MYO5B: variants seen among roughly 807,000 people sequenced by gnomAD.
The protein encoded by MYO5B is unconventional myosin-Vb.
MYO5B carries 143 observed loss-of-function variants against 229.3 expected under a neutral mutation model. The observed-to-expected ratio is 0.62, with a 90% CI of 0.54 to 0.72. MYO5B has a LOEUF of 0.72. Among genes scored for constraint, MYO5B ranks in the 30% least tolerant of loss-of-function variants. MYO5B has a pLI of 0.00. For synonymous variants in MYO5B, 918 were observed against 885.2 expected (o/e 1.04, Z -0.66); for missense variants, 2,321 against 2,331.0 (o/e 1.00, Z 0.09).
intron 39 of MYO5B, 108 bp from the exon 40 acceptor site, chr18:49,826,731 C>A: frequency 7.6e-7 from 1 of 1,313,514 alleles, no homozygotes. Context: ...ATTTCTACGA[C>A]AATTAGGTAG....
At chr18:49,996,742 GA>G (rs1221683730) in intron 5 of MYO5B, among the ~76,000 whole-genome samples, 3 of 152,220 alleles carry the variant, frequency 2.0e-5, no homozygotes, top group Non-Finnish European at 4.4e-5. Flanking sequence ...AAAGCTCTAA[GA>G]AGTGGAAAAT....
intron 33 of MYO5B, 74 bp downstream of exon 33, chr18:49,847,072 T>C: frequency 6.4e-7 from 1 of 1,553,322 alleles, no homozygotes; most frequent in Non-Finnish European, 8.7e-7. Flanking sequence ...GTGTGGGGGT[T>C]GTGCTGGGGA....
intron 17 of MYO5B, among the ~76,000 whole-genome samples, chr18:49,926,975 T>C (rs1463045159): frequency 6.6e-6 from 1 of 152,146 alleles, no homozygotes; most frequent in Non-Finnish European, 1.5e-5. Flanking sequence ...TCACCAGATT[T>C]ACAGAAAGTA....
chr18:50,120,175 T>G (rs2032034539), intron 1 of MYO5B, among the ~76,000 whole-genome samples: 1 of 152,354 alleles, frequency 6.6e-6, no homozygotes, highest in South Asian at 2.1e-4. Flanking sequence ...TGCTTTCAAT[T>G]TTAATGCCTT....
Position 49,825,636 on chromosome 18 carries a change from T to C in MYO5B, c.*835A>G, listed in dbSNP as rs1221116181. 1 of 152,276 alleles carries C rather than the reference T, an allele frequency of 6.6e-6. No homozygotes were observed. Among genetic ancestry groups the C allele is most frequent in the Non-Finnish European group, 1.5e-5 (1 of 68,036 alleles). 9.4% of individuals were successfully genotyped at this position (152,276 alleles called of 1,614,324 possible). A position where few individuals can be genotyped will look rare whatever the true frequency, so the allele number is the denominator to read the frequency against. On this transcript the variant is annotated 3_prime_UTR_variant, in exon 40 of 40. Coordinates refer to ENST00000285039, the MANE Select transcript of MYO5B (RefSeq NM_001080467.3). ...TACATCTATAAATAAAACAAGTTTG[T>C]TATCCGTTTCTAATATTTAGCTTAT... is the stretch of plus-strand genomic sequence containing the variant.
intron 1 of MYO5B, among the ~76,000 whole-genome samples, chr18:50,177,234 A>G (rs1176022574): frequency 6.6e-6 from 1 of 152,170 alleles, no homozygotes; most frequent in Non-Finnish European, 1.5e-5. Flanking sequence ...AAAAAGGTAC[A>G]GCTCCATGCA....
chr18:49,894,344 G>A (rs1325083100), intron 22 of MYO5B, among the ~76,000 whole-genome samples: 1 of 152,184 alleles, frequency 6.6e-6, no homozygotes, highest in African/African-American at 2.4e-5. Flanking sequence ...GGGTCTCCAG[G>A]GGCCCTTGGG....
intron 17 of MYO5B, among the ~76,000 whole-genome samples, chr18:49,923,546 GACACACACTGTC>G (rs1430452708): frequency 6.6e-6 from 1 of 152,182 alleles, no homozygotes; most frequent in Non-Finnish European, 1.5e-5. Context: ...AAGTGTGGGC[GACACACACTGTC>G]ACTCTGATTT....
intron 1 of MYO5B, among the ~76,000 whole-genome samples, chr18:50,129,580 C>T (rs935142828): frequency 6.6e-6 from 1 of 152,180 alleles, no homozygotes; most frequent in African/African-American, 2.4e-5. Context: ...TTCCTAGAGC[C>T]TTTCTGTAGT....
intron 9 of MYO5B, 114 bp downstream of exon 9, chr18:49,980,330 T>G: frequency 2.4e-6 from 2 of 817,400 alleles, no homozygotes; most frequent in Admixed American, 3.9e-5. Flanking sequence ...AAACCATTAC[T>G]GTTAAGAATA....
chr18:50,019,502 G>A (rs2026252106), intron 4 of MYO5B, among the ~76,000 whole-genome samples: 1 of 152,216 alleles, frequency 6.6e-6, no homozygotes. Context: ...CCAGAGCCCA[G>A]CATTCTGCTA....
intron 1 of MYO5B, among the ~76,000 whole-genome samples, chr18:50,174,699 C>T (rs1190372906): frequency 6.6e-6 from 1 of 152,180 alleles, no homozygotes; most frequent in African/African-American, 2.4e-5. Flanking sequence ...TCTCCTTTCC[C>T]ACATGGCCAG....
intron 1 of MYO5B, among the ~76,000 whole-genome samples, chr18:50,147,079 A>G (rs1437569582): frequency 6.6e-6 from 1 of 152,116 alleles, no homozygotes; most frequent in African/African-American, 2.4e-5. Context: ...CTGATCCCTC[A>G]TGAATCCCTA....
chr18:49,938,539 C>T (rs1293363026), intron 14 of MYO5B, among the ~76,000 whole-genome samples: 1 of 152,132 alleles, frequency 6.6e-6, no homozygotes, highest in Non-Finnish European at 1.5e-5. Context: ...AATGCTACAG[C>T]CTCAGATGCT....
chr18:49,833,926 C>T lies in MYO5B; in HGVS notation c.5394+1418G>A, dbSNP rs896470337. Among the ~76,000 whole-genome samples the T allele has an allele frequency of 2.6e-5, 4 of 152,284 alleles. No homozygotes were observed. In the South Asian group the frequency reaches 6.2e-4, roughly 24 times the overall value. On this transcript the variant is annotated intron_variant, in intron 39 of 39. Transcript: ENST00000285039. Reference sequence around the variant, plus strand: ...GACTCACTCTGCCTGCCCCATTCTGCGGCCTGTGTCTTTAACAATCGACTG... The same window carrying T: ...GACTCACTCTGCCTGCCCCATTCTGTGGCCTGTGTCTTTAACAATCGACTG...
At chr18:50,030,874 CAGAAAAAAAAAAAAA>C (rs1165285736) in intron 4 of MYO5B, among the ~76,000 whole-genome samples, 1 of 59,694 alleles carries the variant, frequency 1.7e-5, no homozygotes, top group Admixed American at 2.2e-4. Context: ...CACTCCCTTT[CAGAAAAAAAAAAAAA>C]AAAAAAAAAA....
At chr18:49,984,285 A>T (rs1186986417) in intron 8 of MYO5B, among the ~76,000 whole-genome samples, 2 of 152,250 alleles carry the variant, frequency 1.3e-5, no homozygotes, top group Non-Finnish European at 2.9e-5. Context: ...TGCAGCTGCC[A>T]GACCTTCACA....
rs1335159210 is a variant in MYO5B at position 50,043,513 on chromosome 18, TTA to T, written c.139-3201_139-3200del. 3.1e-5 allele frequency among the ~76,000 whole-genome samples: 3 copies of T among 97,490 alleles called. No individual in the cohort carries two copies. The East Asian group carries it at 8.4e-4, about 27-fold the overall frequency. 64.0% of individuals were successfully genotyped at this position (97,490 alleles called of 152,430 possible). ...TTTTTATATATAAATATAAATATAT[TTA>T]TAAGTATATAAATATATTTTATATA... On this transcript the variant is annotated intron_variant, in intron 2 of 39. Transcript: ENST00000285039.
intron 8 of MYO5B, among the ~76,000 whole-genome samples, chr18:49,983,589 T>C (rs752597729): frequency 3.2e-4 from 48 of 152,250 alleles, no homozygotes; most frequent in Non-Finnish European, 4.0e-4. Context: ...GAATAGCAGA[T>C]GTTCTTTTGT....
Sources: gnomAD v4.1 joint callset for allele counts (sites outside exome capture counted in the v4.1 genomes callset) on GRCh38, gnomAD v4.1.1 for gene constraint, MANE v1.5 for transcripts, NCBI Gene and HGNC (gene_info 2026-07-23, HGNC 2026-07-21) for gene names.